Variants in PDZD2 observed in about 807,000 individuals in gnomAD.
PDZD2 encodes PDZ domain containing 2.
PDZD2 carries 90 observed loss-of-function variants against 220.7 expected under a neutral mutation model. The ratio of observed to expected loss-of-function variants is 0.41; its 90% confidence interval spans 0.34 to 0.49. PDZD2 has a LOEUF of 0.49. Among genes scored for constraint, PDZD2 ranks in the 20% least tolerant of loss-of-function variants. The probability of loss-of-function intolerance (pLI) is 0.28; values close to 1 mark genes in which losing one functional copy is unlikely to be tolerated. For missense variants in PDZD2, 3,174 were observed against 3,608.5 expected (o/e 0.88, Z 3.08); for synonymous variants, 1,375 against 1,450.5 (o/e 0.95, Z 1.18).
chr5:31,788,554 G>A (rs921920916), intron 1 of PDZD2, among the ~76,000 whole-genome samples: 10 of 151,904 alleles, frequency 6.6e-5, no homozygotes, highest in South Asian at 4.2e-4. Context: ...AGTCCCAGCT[G>A]CTCGGGGAAG....
chr5:32,049,442 C>T (rs1738308736), intron 8 of PDZD2, among the ~76,000 whole-genome samples: 1 of 152,112 alleles, frequency 6.6e-6, no homozygotes, highest in Admixed American at 6.5e-5. Flanking sequence ...ACGGGCGTGG[C>T]AGCAACGACC....
intron 18 of PDZD2, among the ~76,000 whole-genome samples, chr5:32,077,176 G>A (rs1741377475): frequency 6.6e-6 from 1 of 152,156 alleles, no homozygotes; most frequent in Admixed American, 6.5e-5. Flanking sequence ...TATATGTGCT[G>A]TTTTTATAAC....
At position 32,090,554 on chromosome 5, in the gene PDZD2, T is replaced by C. The variant is rs143439364; in HGVS notation, c.7106T>C (p.Ile2369Thr). 4,448 of 1,613,778 alleles carry C rather than the reference T, an allele frequency of 2.8e-3. 189 individuals are homozygous for C. In the Admixed American group the frequency reaches 0.067, roughly 24 times the overall value. The stretch of plus-strand genomic sequence containing the variant: ...TTGTCGGTGAGCTCCAAGCCTCCCA[T>C]TGGGAGGCGGTCTTCCGGCAGCATT... Reference protein sequence around the residue: ...PFLSVSSKPPIGRRSSGSIVS... With the variant: ...PFLSVSSKPPTGRRSSGSIVS... The change falls in exon 20 of 25, where the codon ATT (isoleucine) becomes ACT (threonine). Residue 2369 changes from isoleucine to threonine, a missense_variant. Ile to Thr is a moderately conservative substitution (Grantham distance 89). This residue lies in a region of PDZD2 where 631 missense variants were observed against 789.9 expected (regional missense o/e 0.80). Coordinates refer to ENST00000438447, the MANE Select transcript of PDZD2 (RefSeq NM_178140.4). The surrounding 1 kb of genome is among the most constrained non-coding windows in gnomAD (Gnocchi z 4.3).
At chr5:31,961,902 C>T (rs747877673) in intron 2 of PDZD2, among the ~76,000 whole-genome samples, 13 of 147,618 alleles carry the variant, frequency 8.8e-5, no homozygotes, top group African/African-American at 1.7e-4. Context: ...AGGCAGGAAC[C>T]ACCAAGCCTA....
intron 1 of PDZD2, among the ~76,000 whole-genome samples, chr5:31,677,813 G>A (rs1746494018): frequency 6.6e-6 from 1 of 152,026 alleles, no homozygotes; most frequent in African/African-American, 2.4e-5. Context: ...TTCTAGAAAA[G>A]GCACGCTGAT....
Position 32,101,123 on chromosome 5 carries a change from A to C in PDZD2, c.8237A>C (p.His2746Pro), listed in dbSNP as rs1330563840. 1 of 1,614,198 alleles carries C rather than the reference A, an allele frequency of 6.2e-7. No individual in the cohort carries two copies. Among genetic ancestry groups the C allele is most frequent in the Non-Finnish European group, 8.5e-7 (1 of 1,180,022 alleles). Residue 2746 changes from histidine to proline, a missense_variant, in exon 24 of 25, where the codon CAC (histidine) becomes CCC (proline). This residue lies in a region of PDZD2 where 631 missense variants were observed against 789.9 expected (regional missense o/e 0.80). Coordinates refer to ENST00000438447, the MANE Select transcript of PDZD2 (RefSeq NM_178140.4). Reference sequence around the variant, plus strand: ...GCTGCAGGGAGAAGTGTGGCTGTACACGATGCTCTGTGTGTTGAAGTGCTG... The same window carrying C: ...GCTGCAGGGAGAAGTGTGGCTGTACCCGATGCTCTGTGTGTTGAAGTGCTG... ...EPGIGRSVAV[H>P]DALCVEVLKT...
At chr5:31,708,249 A>T (rs1225118944) in intron 1 of PDZD2, among the ~76,000 whole-genome samples, 1 of 152,186 alleles carries the variant, frequency 6.6e-6, no homozygotes, top group African/African-American at 2.4e-5. Context: ...ACCCACAATT[A>T]TAAATTAAAA....
intron 2 of PDZD2, among the ~76,000 whole-genome samples, chr5:31,826,675 CA>C (rs745683312): frequency 0.025 from 2,872 of 113,394 alleles, 54 homozygotes; most frequent in African/African-American, 0.078. Flanking sequence ...GACTCTGTCT[CA>C]AAAAAAAAAA....
chr5:31,873,253 A>G (rs1738990648), intron 2 of PDZD2, among the ~76,000 whole-genome samples: 1 of 151,918 alleles, frequency 6.6e-6, no homozygotes. Context: ...GGGCAACATA[A>G]TGAGACCCCA....
intron 1 of PDZD2, among the ~76,000 whole-genome samples, chr5:31,777,543 C>T (rs963662399): frequency 2.0e-5 from 3 of 152,260 alleles, no homozygotes; most frequent in African/African-American, 4.8e-5. Context: ...CCCTTATGGC[C>T]CCCACGCGGG....
chr5:32,106,857 C>T (rs1561619224), intron 24 of PDZD2, among the ~76,000 whole-genome samples: 1 of 152,184 alleles, frequency 6.6e-6, no homozygotes, highest in Non-Finnish European at 1.5e-5. Context: ...TCCTGGGGCC[C>T]ACTACAGGGC....
In PDZD2 at chr5:32,098,241, C is replaced by G. The variant is rs762114480; in HGVS notation, c.7948-123C>G. On this transcript the variant is annotated intron_variant, in intron 22 of 24. Transcript: ENST00000438447. This position sits in a 1 kb window ranked among gnomAD's most constrained non-coding sequence, Gnocchi z 4.1. ...TGGGTGACACAGCGAGACTCCCTCTCAAAAAATAAAAATAAAAAAGGAAGG... is the reference window on the plus strand; with the variant it reads ...TGGGTGACACAGCGAGACTCCCTCTGAAAAAATAAAAATAAAAAAGGAAGG... The G allele has an allele frequency of 4.3e-5, 43 of 1,000,888 alleles. No homozygotes were observed. The highest frequency in any genetic ancestry group is 1.4e-4 in the Admixed American group (5 of 36,122). 62.0% of individuals were successfully genotyped at this position (1,000,888 alleles called of 1,614,324 possible).
intron 3 of PDZD2, among the ~76,000 whole-genome samples, chr5:31,989,576 C>T (rs887904506): frequency 6.6e-6 from 1 of 152,038 alleles, no homozygotes; most frequent in South Asian, 2.1e-4. Flanking sequence ...GCACACGCCA[C>T]CATGTCCAGC....
intron 6 of PDZD2, among the ~76,000 whole-genome samples, chr5:32,011,024 A>G (rs1397076926): frequency 7.7e-6 from 1 of 130,128 alleles, no homozygotes; most frequent in Non-Finnish European, 1.6e-5. Context: ...AAAAAAAAAC[A>G]ACAACAACAA....
intron 2 of PDZD2, among the ~76,000 whole-genome samples, chr5:31,890,495 A>G (rs867298607): frequency 2.0e-5 from 3 of 152,102 alleles, no homozygotes; most frequent in South Asian, 4.1e-4. Flanking sequence ...AACCAAATGA[A>G]TGGTTCAGAT....
chr5:31,740,452 G>A (rs2150165530), intron 1 of PDZD2, among the ~76,000 whole-genome samples: 1 of 145,052 alleles, frequency 6.9e-6, no homozygotes, highest in African/African-American at 2.5e-5. Flanking sequence ...GTGAACCCGG[G>A]AGGCGGAGCT....
In PDZD2 at chr5:32,052,658, G is replaced by A; in HGVS notation, c.1713G>A (p.Gln571=). The change falls in exon 9 of 25, where the codon CAG becomes CAA. Residue 571 remains glutamine, a synonymous_variant. Coordinates refer to ENST00000438447, the MANE Select transcript of PDZD2 (RefSeq NM_178140.4). ...KKSTRSLSTT[Q]VESPWRLIRP... Reference sequence around the variant, plus strand: ...CTACCCGCTCCTTAAGCACGACTCAGGTGGAATCTCCTTGGAGGCTCATTC... The same window carrying A: ...CTACCCGCTCCTTAAGCACGACTCAAGTGGAATCTCCTTGGAGGCTCATTC... The A allele has an allele frequency of 6.2e-7, 1 of 1,613,746 alleles. No individual in the cohort carries two copies. Among genetic ancestry groups the A allele is most frequent in the Non-Finnish European group, 8.5e-7 (1 of 1,179,632 alleles).
chr5:31,688,929 G>T (rs1448464195), intron 1 of PDZD2, among the ~76,000 whole-genome samples: 1 of 152,108 alleles, frequency 6.6e-6, no homozygotes, highest in Non-Finnish European at 1.5e-5. Flanking sequence ...GCAGCATCAA[G>T]GATGTTGCCC....
At chr5:31,799,871 A>G in intron 2 of PDZD2, 147 bp downstream of exon 2, 2 of 633,006 alleles carry the variant, frequency 3.2e-6, no homozygotes. Context: ...CATCCATTCA[A>G]CGCAGCATCA....
Sources: allele counts gnomAD v4.1 joint callset (sites outside exome capture counted in the v4.1 genomes callset), GRCh38; gene constraint gnomAD v4.1.1; regional missense constraint gnomAD v4.1.1; non-coding constraint Gnocchi (gnomAD v3.1); transcripts MANE v1.5; gene names NCBI Gene and HGNC (gene_info 2026-07-23, HGNC 2026-07-21).